ADAMTSL3: variants seen among roughly 807,000 people sequenced by gnomAD.
ADAMTSL3 encodes ADAMTS-like protein 3.
Under a neutral mutation model 201.7 loss-of-function variants are expected in ADAMTSL3, and 128 were observed. The ratio of observed to expected loss-of-function variants is 0.63; its 90% CI spans 0.55 to 0.73. The LOEUF (loss-of-function observed/expected upper bound fraction) is 0.73, where lower values mean the gene tolerates loss of function less well. Among genes scored for constraint, ADAMTSL3 ranks in the 30% least tolerant of loss-of-function variants. The probability of loss-of-function intolerance (pLI) is 0.00; values close to 1 mark genes in which losing one functional copy is unlikely to be tolerated. For synonymous variants in ADAMTSL3, 738 were observed against 748.4 expected (o/e 0.99, Z 0.23); for missense variants, 1,990 against 2,119.6 (o/e 0.94, Z 1.20).
chr15:84,025,189 A>T (rs1596550479), intron 26 of ADAMTSL3, 49 bp from the exon 27 acceptor site: 1 of 1,499,448 alleles, frequency 6.7e-7, no homozygotes, highest in African/African-American at 1.4e-5. Flanking sequence ...GCCCCCTCTA[A>T]GATCTGGCAT....
intron 26 of ADAMTSL3, among the ~76,000 whole-genome samples, chr15:84,024,284 G>A (rs2068262040): frequency 1.3e-5 from 2 of 152,088 alleles, no homozygotes; most frequent in South Asian, 4.1e-4. Context: ...TACAAGATCT[G>A]ATATAGATTT....
At chr15:83,985,387 T>A (rs1181385030) in intron 21 of ADAMTSL3, among the ~76,000 whole-genome samples, 1 of 152,060 alleles carries the variant, frequency 6.6e-6, no homozygotes, top group Non-Finnish European at 1.5e-5. Context: ...TTAAAAAATA[T>A]ATATATATAT....
At chr15:83,822,894 G>C (rs1460887417) in intron 6 of ADAMTSL3, among the ~76,000 whole-genome samples, 11 of 152,028 alleles carry the variant, frequency 7.2e-5, no homozygotes, top group African/African-American at 2.7e-4. Context: ...CTGCACTCCA[G>C]CCTGGGCACC....
At chr15:83,839,003 C>A (rs2064326737) in intron 7 of ADAMTSL3, among the ~76,000 whole-genome samples, 1 of 152,158 alleles carries the variant, frequency 6.6e-6, no homozygotes. Context: ...CAAATGTAGC[C>A]TGAAGGCTGA....
chr15:83,752,432 T>C (rs1039324727), intron 3 of ADAMTSL3, among the ~76,000 whole-genome samples: 1 of 152,218 alleles, frequency 6.6e-6, no homozygotes, highest in African/African-American at 2.4e-5. Flanking sequence ...ATTAATTTAA[T>C]GTGTAGTTCT....
chr15:83,817,908 C>T (rs1453288758), intron 5 of ADAMTSL3, among the ~76,000 whole-genome samples: 1 of 152,062 alleles, frequency 6.6e-6, no homozygotes, highest in African/African-American at 2.4e-5. Flanking sequence ...ATTAGCTGGG[C>T]ATGGTGGCGG....
chr15:83,897,776 G>C lies in ADAMTSL3; in HGVS notation c.1468-82G>C, dbSNP rs78494571. ...GTGTTTAACATTTATGTAGTTCAAT[G>C]GCTCTCCTTTGCATTCGATAAAATA... On this transcript the variant is annotated intron_variant, in intron 13 of 29. Transcript: ENST00000286744. 0.052 allele frequency: 74,471 copies of C among 1,436,092 alleles called. 2,634 individuals carry two copies. Among genetic ancestry groups the C allele is most frequent in the East Asian group, 0.21 (8,990 of 42,978 alleles). 89.0% of individuals were successfully genotyped at this position (1,436,092 alleles called of 1,614,324 possible).
At chr15:83,879,766 T>C (rs528948976) in intron 9 of ADAMTSL3, among the ~76,000 whole-genome samples, 65 of 152,342 alleles carry the variant, frequency 4.3e-4, no homozygotes, top group Non-Finnish European at 6.5e-4. Flanking sequence ...TATTCAAAAT[T>C]ATAACCTTCC....
At chr15:84,027,821 A>C (rs1260653929) in intron 27 of ADAMTSL3, among the ~76,000 whole-genome samples, 2 of 152,186 alleles carry the variant, frequency 1.3e-5, no homozygotes, top group Non-Finnish European at 2.9e-5. Context: ...GAAACAACCC[A>C]AATAACAACA....
At chr15:83,899,523 C>A in intron 14 of ADAMTSL3, 124 bp from the exon 15 acceptor site, 1 of 879,034 alleles carries the variant, frequency 1.1e-6, no homozygotes, top group Non-Finnish European at 1.7e-6. Flanking sequence ...TACTAAGGAA[C>A]TCAACTTGCA....
chr15:83,785,163 T>C (rs1238226611), intron 4 of ADAMTSL3, among the ~76,000 whole-genome samples: 1 of 152,206 alleles, frequency 6.6e-6, no homozygotes, highest in Admixed American at 6.5e-5. Flanking sequence ...ATACAAACTT[T>C]GATTCAGTAG....
chr15:84,010,706 A>C (rs753619168), intron 23 of ADAMTSL3, among the ~76,000 whole-genome samples: 1 of 152,228 alleles, frequency 6.6e-6, no homozygotes, highest in African/African-American at 2.4e-5. Context: ...AGGGACCCCA[A>C]GAGAAAATTT....
At position 83,858,836 on chromosome 15, in the gene ADAMTSL3, C is replaced by T. The variant is rs1243061913; in HGVS notation, c.798C>T (p.His266=). Residue 266 remains histidine, a synonymous_variant, in exon 8 of 30, where the codon CAC becomes CAT. Coordinates refer to ENST00000286744, the MANE Select transcript of ADAMTSL3 (RefSeq NM_207517.3). Reference sequence around the variant, plus strand: ...GAATTACAGTGAAAGGACCTGCCCACCTCTGTAAGTAGAATTTAATCTTAA... The same window carrying T: ...GAATTACAGTGAAAGGACCTGCCCATCTCTGTAAGTAGAATTTAATCTTAA... ...SVRITVKGPA[H]LFIESKTLQG... The T allele has an allele frequency of 3.7e-6, 6 of 1,607,100 alleles. No homozygotes were observed. The highest frequency in any genetic ancestry group is 3.4e-5 in the Admixed American group (2 of 59,464).
intron 2 of ADAMTSL3, among the ~76,000 whole-genome samples, chr15:83,690,036 A>G (rs1348986320): frequency 6.6e-6 from 1 of 152,106 alleles, no homozygotes; most frequent in Non-Finnish European, 1.5e-5. Flanking sequence ...GTTTGTCTGA[A>G]ACTTTGCCAC....
At chr15:83,940,017 C>A (rs1185670267) in intron 17 of ADAMTSL3, among the ~76,000 whole-genome samples, 3 of 152,028 alleles carry the variant, frequency 2.0e-5, no homozygotes, top group African/African-American at 4.8e-5. Flanking sequence ...AATTGCTATT[C>A]TTTTTTTAAC....
At chr15:83,746,361 A>G (rs1328506477) in intron 3 of ADAMTSL3, among the ~76,000 whole-genome samples, 1 of 151,254 alleles carries the variant, frequency 6.6e-6, no homozygotes, top group Non-Finnish European at 1.5e-5. Flanking sequence ...GGAAAGTGTG[A>G]ACACTATAGT....
chr15:83,998,764 A>C (rs768015265), intron 23 of ADAMTSL3, among the ~76,000 whole-genome samples: 6 of 152,210 alleles, frequency 3.9e-5, no homozygotes, highest in Admixed American at 2.6e-4. Context: ...AAAGGGATGA[A>C]GAATAAACAG....
At chr15:83,738,766 G>T (rs2062407620) in intron 3 of ADAMTSL3, among the ~76,000 whole-genome samples, 1 of 151,766 alleles carries the variant, frequency 6.6e-6, no homozygotes, top group African/African-American at 2.4e-5. Context: ...CATGGTGGCA[G>T]GCACTTGTAA....
intron 16 of ADAMTSL3, among the ~76,000 whole-genome samples, chr15:83,921,542 G>T (rs2066143087): frequency 6.6e-6 from 1 of 152,166 alleles, no homozygotes; most frequent in Non-Finnish European, 1.5e-5. Context: ...TTGACATATT[G>T]AAGTAGTCAA....
Sources: allele counts gnomAD v4.1 joint callset (sites outside exome capture counted in the v4.1 genomes callset), GRCh38; gene constraint gnomAD v4.1.1; transcripts MANE v1.5; gene names NCBI Gene and HGNC (gene_info 2026-07-23, HGNC 2026-07-21).